The following NDRG3 variants were observed in gnomAD, a reference collection of about 807,000 sequenced individuals.
The protein encoded by NDRG3 is NDRG family member 3, also known as protein NDRG3.
In NDRG3, 23 loss-of-function variants were observed where a neutral mutation model predicts 57.2. The observed-to-expected ratio is 0.40, with a 90% CI of 0.29 to 0.57. The LOEUF (loss-of-function observed/expected upper bound fraction) is 0.57. Among genes scored for constraint, NDRG3 ranks in the 20% least tolerant of loss-of-function variants. The pLI is 0.42. For missense variants in NDRG3, 384 were observed against 457.3 expected, an observed-to-expected ratio of 0.84 and a Z score of 1.46; for synonymous variants, 132 against 162.6, an observed-to-expected ratio of 0.81 and a Z score of 1.43.
intron 3 of NDRG3, among the ~76,000 whole-genome samples, chr20:36,706,104 G>A (rs1983533817): frequency 6.6e-6 from 1 of 152,098 alleles, no homozygotes. Context: ...GAGAACTGCT[G>A]GTTCATTTTA....
chr20:36,681,292 T>G (rs1981267842), intron 7 of NDRG3, among the ~76,000 whole-genome samples: 1 of 152,026 alleles, frequency 6.6e-6, no homozygotes, highest in Non-Finnish European at 1.5e-5. Flanking sequence ...ACAGTCTGTA[T>G]CATCCTCAGA....
At chr20:36,712,559 CTATATATATATA>C (rs1201319236) in intron 2 of NDRG3, among the ~76,000 whole-genome samples, 2 of 20,740 alleles carry the variant, frequency 9.6e-5, no homozygotes, top group East Asian at 2.2e-3. Flanking sequence ...CCATGCCCGG[CTATATATATATA>C]TATATATATA....
At chr20:36,657,466 C>A (rs1159089486) in intron 13 of NDRG3, among the ~76,000 whole-genome samples, 1 of 146,308 alleles carries the variant, frequency 6.8e-6, no homozygotes, top group Non-Finnish European at 1.5e-5. Flanking sequence ...CCAACCTGGG[C>A]GACAGAGTCC....
At chr20:36,685,807 G>T (rs1189233648) in intron 5 of NDRG3, among the ~76,000 whole-genome samples, 1 of 152,130 alleles carries the variant, frequency 6.6e-6, no homozygotes, top group African/African-American at 2.4e-5. Flanking sequence ...CCAGGAGTTC[G>T]AGACCAGCCT....
intron 8 of NDRG3, among the ~76,000 whole-genome samples, chr20:36,680,607 G>T (rs925389785): frequency 6.6e-6 from 1 of 152,120 alleles, no homozygotes; most frequent in Non-Finnish European, 1.5e-5. Context: ...AGGAGAGGAA[G>T]TATCAATTAG....
At chr20:36,675,837 T>C (rs903024366) in intron 8 of NDRG3, among the ~76,000 whole-genome samples, 4 of 152,146 alleles carry the variant, frequency 2.6e-5, no homozygotes, top group Non-Finnish European at 5.9e-5. Context: ...ATAAAGACTC[T>C]TGATACATTT....
intron 2 of NDRG3, among the ~76,000 whole-genome samples, chr20:36,707,501 C>A (rs1983615307): frequency 6.6e-6 from 1 of 152,114 alleles, no homozygotes; most frequent in African/African-American, 2.4e-5. Flanking sequence ...GCCTTGAAAT[C>A]TAACAGAGAA....
chr20:36,664,369 C>A (rs1418157440), intron 12 of NDRG3, among the ~76,000 whole-genome samples: 5 of 152,046 alleles, frequency 3.3e-5, no homozygotes, highest in Non-Finnish European at 7.4e-5. Context: ...GAGCATATAT[C>A]ATTTTTATCC....
intron 1 of NDRG3, among the ~76,000 whole-genome samples, chr20:36,732,240 AAGAT>A (rs1189692281): frequency 6.6e-6 from 1 of 152,218 alleles, no homozygotes; most frequent in African/African-American, 2.4e-5. Flanking sequence ...AAAGATTAAC[AAGAT>A]CAGTGACTTT....
intron 7 of NDRG3, among the ~76,000 whole-genome samples, chr20:36,681,715 T>G (rs1981313366): frequency 6.6e-6 from 1 of 152,038 alleles, no homozygotes; most frequent in Non-Finnish European, 1.5e-5. Context: ...AATTTTCTTT[T>G]TGAGACAGAG....
chr20:36,697,420 T>C lies in NDRG3; in HGVS notation c.94-8636A>G, dbSNP rs150398281. 6.6e-3 allele frequency among the ~76,000 whole-genome samples: 998 copies of C among 152,132 alleles called. 8 individuals are homozygous for C. Among genetic ancestry groups the C allele is most frequent in the African/African-American group, 0.022 (906 of 41,548 alleles). On this transcript the variant is annotated intron_variant, in intron 3 of 15. Transcript: ENST00000349004. ...GCACTTTTGTCTGCATTAAAATCTGTTCAGGGCCGGGCGCAGTGGCTCACA... is the reference window on the plus strand; with the variant it reads ...GCACTTTTGTCTGCATTAAAATCTGCTCAGGGCCGGGCGCAGTGGCTCACA...
chr20:36,742,964 T>C (rs535932200), intron 1 of NDRG3, among the ~76,000 whole-genome samples: 1 of 152,226 alleles, frequency 6.6e-6, no homozygotes. Context: ...AAATACCATG[T>C]AATGATATAC....
At chr20:36,656,336 G>C in intron 15 of NDRG3, 24 bp downstream of exon 15, 1 of 1,607,742 alleles carries the variant, frequency 6.2e-7, no homozygotes, top group East Asian at 2.2e-5. Context: ...ATCGTTGCTA[G>C]ATAGAAAGTT....
rs552003895 is a variant in NDRG3, at chr20:36,699,319, G to T, written c.93+7653C>A. On this transcript the variant is annotated intron_variant, in intron 3 of 15. Coordinates refer to ENST00000349004, the MANE Select transcript of NDRG3 (RefSeq NM_032013.4). The stretch of plus-strand genomic sequence containing the variant: ...AGAACTTTGTTTCCTTCTGGGAATG[G>T]ATAAATTATTAAAGAGAACTAAAGG... Among the ~76,000 whole-genome samples, 4 of 152,222 alleles carry T rather than the reference G, an allele frequency of 2.6e-5. No individual in the cohort carries two copies. In the East Asian group the frequency reaches 7.7e-4, roughly 29 times the overall value.
chr20:36,671,227 C>A, intron 9 of NDRG3, 114 bp downstream of exon 9: 1 of 832,762 alleles, frequency 1.2e-6, no homozygotes, highest in Non-Finnish European at 2.0e-6. Flanking sequence ...TACATTGGAA[C>A]TGTTACTTGC....
In NDRG3 at chr20:36,675,248, C is replaced by T. The variant is rs375846493; in HGVS notation, c.532-3851G>A. Among the ~76,000 whole-genome samples, 38 of 151,146 alleles carry T rather than the reference C, an allele frequency of 2.5e-4. 1 individual carries two copies. In the South Asian group the frequency reaches 7.3e-3, roughly 29 times the overall value. On this transcript the variant is annotated intron_variant, in intron 8 of 15. Transcript: ENST00000349004. ...GTAATTTTTGTATTTTTAGTAGAGA[C>T]GGGGTTTTGCCACGTTGGCCAGGGT...
chr20:36,678,736 G>T (rs1225759209), intron 8 of NDRG3, among the ~76,000 whole-genome samples: 1 of 152,194 alleles, frequency 6.6e-6, no homozygotes, highest in Non-Finnish European at 1.5e-5. Context: ...TTTAAAAGAT[G>T]ATGTAATTAA....
chr20:36,669,134 G>A (rs780755402), intron 9 of NDRG3, among the ~76,000 whole-genome samples: 2 of 151,458 alleles, frequency 1.3e-5, no homozygotes, highest in East Asian at 1.9e-4. Flanking sequence ...TCGGCTCAAC[G>A]CAACCTTCAC....
intron 15 of NDRG3, among the ~76,000 whole-genome samples, chr20:36,654,347 C>T (rs980935092): frequency 2.0e-5 from 3 of 152,208 alleles, no homozygotes; most frequent in African/African-American, 4.8e-5. Context: ...CTGGGCCTTA[C>T]CTGGCATAGC....
Sources: allele counts gnomAD v4.1 joint callset (sites outside exome capture counted in the v4.1 genomes callset), GRCh38; gene constraint gnomAD v4.1.1; transcripts MANE v1.5; gene names NCBI Gene and HGNC (gene_info 2026-07-23, HGNC 2026-07-21).